HAUS6: variants seen among roughly 807,000 people sequenced by gnomAD.
HAUS6 encodes HAUS augmin-like complex subunit 6.
HAUS6 carries 80 observed loss-of-function variants against 106.8 expected under a neutral mutation model. The ratio of observed to expected loss-of-function variants is 0.75; its 90% CI spans 0.63 to 0.90. HAUS6 has a LOEUF of 0.90. HAUS6 is among the 40% of genes least tolerant of loss of function. HAUS6 has a pLI of 0.00. For missense variants in HAUS6, 1,155 were observed against 1,118.1 expected (o/e 1.03, Z -0.47); for synonymous variants, 356 against 379.1 (o/e 0.94, Z 0.71).
chr9:19,098,746 G>A (rs539120068), intron 1 of HAUS6, among the ~76,000 whole-genome samples: 1 of 152,082 alleles, frequency 6.6e-6, no homozygotes, highest in African/African-American at 2.4e-5. Context: ...AGTGGAGCCG[G>A]GCCCGGTGGC....
At chr9:19,084,681 G>A (rs1038197299) in intron 7 of HAUS6, among the ~76,000 whole-genome samples, 1 of 146,952 alleles carries the variant, frequency 6.8e-6, no homozygotes, top group Non-Finnish European at 1.5e-5. Flanking sequence ...CACCCAGGCT[G>A]GAGTGCAGTG....
At chr9:19,084,886 C>T (rs1325909404) in intron 7 of HAUS6, among the ~76,000 whole-genome samples, 3 of 151,926 alleles carry the variant, frequency 2.0e-5, no homozygotes, top group Non-Finnish European at 4.4e-5. Flanking sequence ...ACCATATCGG[C>T]CTCCCAAAGT....
At chr9:19,067,695 T>C (rs1183560981) in intron 12 of HAUS6, among the ~76,000 whole-genome samples, 2 of 152,138 alleles carry the variant, frequency 1.3e-5, no homozygotes, top group Non-Finnish European at 2.9e-5. Context: ...AAGAATTTTG[T>C]TTTTCTTTTT....
At chr9:19,073,814 C>A (rs934976371) in intron 11 of HAUS6, 14 of 152,106 alleles carry the variant, frequency 9.2e-5, no homozygotes, top group African/African-American at 3.1e-4. Flanking sequence ...AACAATGCAG[C>A]CTTTTATTTT....
chr9:19,093,190 A>G lies in HAUS6; in HGVS notation c.417T>C (p.Tyr139=), dbSNP rs976077486. The change falls in exon 4 of 17, where the codon TAT becomes TAC. Residue 139 remains tyrosine, a synonymous_variant. Coordinates refer to ENST00000380502, the MANE Select transcript of HAUS6 (RefSeq NM_017645.5). ...ACTTACTTTTAGAATTGGATTTAAT[A>G]TATTTCATTGCAACAAATCTTGCAA... The part of the protein sequence containing the change: ...YHFARFVAMK[Y]IKSNSKNSSH... The G allele has an allele frequency of 5.0e-6, 8 of 1,585,168 alleles. No individual in the cohort carries two copies. The South Asian group carries it at 6.8e-5, about 14-fold the overall frequency.
At chr9:19,078,062 C>G in intron 10 of HAUS6, 114 bp downstream of exon 10, 2 of 769,074 alleles carry the variant, frequency 2.6e-6, no homozygotes, top group Non-Finnish European at 4.3e-6. Context: ...TGTACTCCAG[C>G]CAGCTATGAT....
chr9:19,086,556 G>T (rs1293766925), intron 7 of HAUS6, among the ~76,000 whole-genome samples, 178 bp downstream of exon 7: 1 of 151,502 alleles, frequency 6.6e-6, no homozygotes, highest in Non-Finnish European at 1.5e-5. Flanking sequence ...AGAGGCAGAG[G>T]GTGTAGTGAG....
At chr9:19,090,761 G>GC (rs547042938) in intron 4 of HAUS6, among the ~76,000 whole-genome samples, 15 of 152,282 alleles carry the variant, frequency 9.9e-5, no homozygotes, top group African/African-American at 3.4e-4. Flanking sequence ...CTCCTAGTAA[G>GC]ACCAATAGGA....
chr9:19,078,146 G>A, intron 10 of HAUS6, 30 bp downstream of exon 10: 3 of 1,564,264 alleles, frequency 1.9e-6, no homozygotes, highest in Admixed American at 2.0e-5. Context: ...TGGGTGGCGG[G>A]GAGGGCAGGG....
chr9:19,090,846 T>G (rs1817729450), intron 4 of HAUS6, among the ~76,000 whole-genome samples: 1 of 152,224 alleles, frequency 6.6e-6, no homozygotes, highest in Non-Finnish European at 1.5e-5. Context: ...AGAGTAGACC[T>G]GAGAATAACT....
At chr9:19,070,967 A>G (rs1400220482) in intron 11 of HAUS6, among the ~76,000 whole-genome samples, 1 of 152,236 alleles carries the variant, frequency 6.6e-6, no homozygotes, top group Non-Finnish European at 1.5e-5. Context: ...GGGTACATCC[A>G]GTGGAAGCAT....
At chr9:19,089,961 T>G (rs117668488) in intron 4 of HAUS6, among the ~76,000 whole-genome samples, 5,284 of 151,922 alleles carry the variant, frequency 0.035, 114 homozygotes, top group Non-Finnish European at 0.051. Flanking sequence ...GCCTCCAGAG[T>G]AGCTGAGACT....
At chr9:19,080,934 T>C (rs1837131828) in intron 8 of HAUS6, among the ~76,000 whole-genome samples, 1 of 151,942 alleles carries the variant, frequency 6.6e-6, no homozygotes, top group Non-Finnish European at 1.5e-5. Context: ...TAGCTGGGCG[T>C]GGTGGCACAT....
intron 9 of HAUS6, among the ~76,000 whole-genome samples, chr9:19,079,880 CAA>C (rs972520230): frequency 7.3e-6 from 1 of 137,762 alleles, no homozygotes; most frequent in African/African-American, 2.7e-5. Flanking sequence ...GACTCTGTCT[CAA>C]AAAAAAAAGG....
At chr9:19,093,132 A>T in intron 4 of HAUS6, 39 bp downstream of exon 4, 1 of 1,331,980 alleles carries the variant, frequency 7.5e-7, no homozygotes, top group Non-Finnish European at 1.0e-6. Flanking sequence ...ATAAAAATTT[A>T]AGAATCAAAA....
intron 7 of HAUS6, among the ~76,000 whole-genome samples, chr9:19,084,435 GT>G (rs1169475456): frequency 1.3e-5 from 2 of 152,054 alleles, no homozygotes; most frequent in African/African-American, 4.8e-5. Flanking sequence ...AATGATGATG[GT>G]TACATGGACT....
chr9:19,060,998 C>G (rs928271381), intron 14 of HAUS6, among the ~76,000 whole-genome samples: 1 of 152,102 alleles, frequency 6.6e-6, no homozygotes, highest in Non-Finnish European at 1.5e-5. Flanking sequence ...AACCCCATCT[C>G]TACTAAAAAT....
intron 12 of HAUS6, among the ~76,000 whole-genome samples, chr9:19,064,342 T>C (rs1340045248): frequency 6.6e-6 from 1 of 152,212 alleles, no homozygotes; most frequent in African/African-American, 2.4e-5. Context: ...TTTTACTCTA[T>C]AGCAAACATG....
At chr9:19,088,399 G>C (rs1817671521) in intron 5 of HAUS6, among the ~76,000 whole-genome samples, 1 of 145,936 alleles carries the variant, frequency 6.9e-6, no homozygotes, top group Admixed American at 6.9e-5. Flanking sequence ...CAGGGCAACA[G>C]AGTGAGACTC....
Sources: gnomAD v4.1 joint callset for allele counts (sites outside exome capture counted in the v4.1 genomes callset) on GRCh38, gnomAD v4.1.1 for gene constraint, MANE v1.5 for transcripts, NCBI Gene and HGNC (gene_info 2026-07-23, HGNC 2026-07-21) for gene names.